L3MBTL3: variants seen among roughly 807,000 people sequenced by gnomAD.
The protein encoded by L3MBTL3 is L3MBTL histone methyl-lysine binding protein 3, also known as lethal(3)malignant brain tumor-like protein 3.
A neutral mutation model predicts 102.3 loss-of-function variants in L3MBTL3; 27 were observed. The observed-to-expected ratio is 0.26, with a 90% CI of 0.19 to 0.36. The LOEUF is 0.36. Among genes scored for constraint, L3MBTL3 ranks in the 10% least tolerant of loss-of-function variants. The probability of loss-of-function intolerance (pLI) is 1.00; values close to 1 mark genes in which losing one functional copy is unlikely to be tolerated. For synonymous variants in L3MBTL3, 340 were observed against 320.9 expected (o/e 1.06, Z -0.64); for missense variants, 798 against 955.3 (o/e 0.84, Z 2.17).
chr6:130,023,069 CT>C (rs1338547673), intron 2 of L3MBTL3, among the ~76,000 whole-genome samples: 8 of 150,732 alleles, frequency 5.3e-5, no homozygotes, highest in Non-Finnish European at 1.2e-4. Context: ...CTTTTTTTTT[CT>C]TCCTTTAATC....
In L3MBTL3 at chr6:130,086,260, CTG is replaced by C; in HGVS notation, c.1518+15_1518+16del. 1 of 1,541,310 alleles carries C rather than the reference CTG, an allele frequency of 6.5e-7. No individual in the cohort carries two copies. The highest frequency in any genetic ancestry group is 1.1e-5 in the South Asian group (1 of 87,582). ...TGATCACCGGGTAAAAGTAAGTGTT[CTG>C]TGTGGGGGGTTGGCTTTGTCTTTTG... On this transcript the variant is annotated intron_variant, in intron 16 of 22. Transcript: ENST00000361794.
chr6:130,092,250 G>A (rs916012961), intron 16 of L3MBTL3, among the ~76,000 whole-genome samples: 1 of 152,140 alleles, frequency 6.6e-6, no homozygotes, highest in South Asian at 2.1e-4. Context: ...TAAATTGAAT[G>A]TGTGTCTAGC....
chr6:130,100,137 G>T (rs1464349785), intron 18 of L3MBTL3, among the ~76,000 whole-genome samples: 1 of 151,534 alleles, frequency 6.6e-6, no homozygotes, highest in African/African-American at 2.4e-5. Context: ...AAGCCCCAAA[G>T]GAACTACTTC....
intron 18 of L3MBTL3, among the ~76,000 whole-genome samples, chr6:130,099,231 C>T (rs1784542034): frequency 6.6e-6 from 1 of 152,104 alleles, no homozygotes; most frequent in Admixed American, 6.6e-5. Context: ...AGAACAGTAT[C>T]ATCCTATGGG....
At chr6:130,065,091 G>A (rs867273826) in intron 10 of L3MBTL3, among the ~76,000 whole-genome samples, 1 of 152,030 alleles carries the variant, frequency 6.6e-6, no homozygotes, top group Non-Finnish European at 1.5e-5. Context: ...CTCTCTGGGG[G>A]GAGTCAGCTT....
chr6:130,139,637 A>G lies in L3MBTL3; in HGVS notation c.2227A>G (p.Met743Val), dbSNP rs1788096782. ...AATTGATGGAGAAGCATTTCTACTT[A>G]TGACTCAAACAGACATTGTTAAAAT... ...EQIDGEAFLL[M>V]TQTDIVKIMS... Residue 743 changes from methionine to valine, a missense_variant, in exon 23 of 23, where the codon ATG becomes GTG. By Grantham distance (21) the Met-to-Val change is conservative. Coordinates refer to ENST00000361794, the MANE Select transcript of L3MBTL3 (RefSeq NM_032438.4). 6.2e-7 allele frequency: 1 copy of G among 1,613,208 alleles called. No homozygotes were observed. Among genetic ancestry groups the G allele is most frequent in the Non-Finnish European group, 8.5e-7 (1 of 1,179,470 alleles).
chr6:130,103,906 A>G, intron 18 of L3MBTL3, among the ~76,000 whole-genome samples: 1 of 152,232 alleles, frequency 6.6e-6, no homozygotes, highest in East Asian at 1.9e-4. Context: ...TTTCTAGAAC[A>G]TCAGGCATAG....
At chr6:130,026,011 G>T (rs1028995234) in intron 2 of L3MBTL3, among the ~76,000 whole-genome samples, 1 of 152,118 alleles carries the variant, frequency 6.6e-6, no homozygotes, top group Non-Finnish European at 1.5e-5. Context: ...TGGGTGAATG[G>T]TAGATAAATG....
intron 6 of L3MBTL3, among the ~76,000 whole-genome samples, chr6:130,051,645 G>A (rs979720290): frequency 3.3e-5 from 5 of 152,174 alleles, no homozygotes; most frequent in African/African-American, 9.7e-5. Context: ...CTCTGCCTCT[G>A]CCTTCAGTCT....
chr6:130,103,376 T>G (rs1368648360), intron 18 of L3MBTL3, among the ~76,000 whole-genome samples: 1 of 152,236 alleles, frequency 6.6e-6, no homozygotes, highest in Non-Finnish European at 1.5e-5. Flanking sequence ...TAGGCCATTA[T>G]CAGAATCACC....
intron 11 of L3MBTL3, 64 bp from the exon 12 acceptor site, chr6:130,068,266 C>T (rs182999393): frequency 3.9e-5 from 32 of 817,440 alleles, no homozygotes; most frequent in Non-Finnish European, 6.0e-5. Flanking sequence ...AAAAGTGGGA[C>T]TGGAAAACTA....
At chr6:130,126,626 A>G (rs958645980) in intron 20 of L3MBTL3, among the ~76,000 whole-genome samples, 3 of 152,184 alleles carry the variant, frequency 2.0e-5, no homozygotes, top group South Asian at 2.1e-4. Flanking sequence ...CCTAAGCCAA[A>G]TCAGGAATTT....
intron 2 of L3MBTL3, among the ~76,000 whole-genome samples, chr6:130,029,987 C>A (rs1779606785): frequency 6.6e-6 from 1 of 152,068 alleles, no homozygotes; most frequent in Admixed American, 6.6e-5. Context: ...CCACGCCCAA[C>A]TAATTTTTGT....
At chr6:130,086,043 G>A (rs1186687101) in intron 15 of L3MBTL3, 97 bp from the exon 16 acceptor site, 14 of 820,642 alleles carry the variant, frequency 1.7e-5, no homozygotes, top group South Asian at 9.9e-5. Flanking sequence ...GTGAGCCACC[G>A]CGCCTGGCCA....
chr6:130,071,192 C>A, intron 13 of L3MBTL3, 65 bp downstream of exon 13: 1 of 1,411,938 alleles, frequency 7.1e-7, no homozygotes, highest in East Asian at 2.4e-5. Flanking sequence ...GGTTTGAAAA[C>A]AGTAATAGTG....
At chr6:130,130,243 G>C (rs573266031) in intron 20 of L3MBTL3, among the ~76,000 whole-genome samples, 2 of 152,306 alleles carry the variant, frequency 1.3e-5, no homozygotes, top group South Asian at 4.1e-4. Flanking sequence ...CATTAGAAAT[G>C]AATTGTGACT....
chr6:130,115,834 A>G (rs374475639), intron 19 of L3MBTL3, among the ~76,000 whole-genome samples: 6 of 152,270 alleles, frequency 3.9e-5, no homozygotes, highest in African/African-American at 1.2e-4. Flanking sequence ...AATTGCAACT[A>G]AAGAAATATT....
chr6:130,068,549 CTTAA>C (rs1782425627), intron 12 of L3MBTL3, 128 bp downstream of exon 12: 8 of 541,098 alleles, frequency 1.5e-5, no homozygotes, highest in East Asian at 1.2e-4. Flanking sequence ...GTACTCTTAT[CTTAA>C]TTAAAGTTTA....
Position 130,054,990 on chromosome 6 carries a change from G to A in L3MBTL3, c.583-181G>A, listed in dbSNP as rs542755713. ...TAACACGTGGATACAGTCTTATTTT[G>A]TAATAACCTCAGGCCAAAAGCAACA... On this transcript the variant is annotated intron_variant, in intron 7 of 22. Coordinates refer to ENST00000361794, the MANE Select transcript of L3MBTL3 (RefSeq NM_032438.4). The A allele has an allele frequency of 2.7e-5, 15 of 565,508 alleles. No homozygotes were observed. In the African/African-American group the frequency reaches 2.8e-4, roughly 11 times the overall value. The allele number at this position is 565,508 out of a possible 1,614,324, so 35.0% of individuals were successfully genotyped here. A position where few individuals can be genotyped will look rare whatever the true frequency, so the allele number is the denominator to read the frequency against.
Sources: allele counts gnomAD v4.1 joint callset (sites outside exome capture counted in the v4.1 genomes callset), GRCh38; gene constraint gnomAD v4.1.1; transcripts MANE v1.5; gene names NCBI Gene and HGNC (gene_info 2026-07-23, HGNC 2026-07-21).